The following ESPN variants were observed in gnomAD, a reference collection of about 807,000 sequenced individuals.
ESPN encodes the protein espin.
ESPN carries 68 observed loss-of-function variants against 77.7 expected under a neutral mutation model. The observed-to-expected ratio is 0.87, with a 90% confidence interval of 0.72 to 1.07. ESPN has a LOEUF of 1.07. ESPN is among the 50% of genes least tolerant of loss of function. ESPN has a pLI of 0.00. For synonymous variants in ESPN, 449 were observed against 567.1 expected, an observed-to-expected ratio of 0.79 and a Z score of 2.96; for missense variants, 1,060 against 1,239.0, an observed-to-expected ratio of 0.86 and a Z score of 2.17.
intron 10 of ESPN, chr1:6,456,226 C>T (rs1644055955): frequency 5.1e-6 from 2 of 395,908 alleles, no homozygotes; most frequent in South Asian, 1.3e-4. Flanking sequence ...CTCAGTTCAC[C>T]CTCGAGCGTC....
At chr1:6,445,641 G>A (rs1643800878) in intron 6 of ESPN, 23 bp from the exon 7 acceptor site, 1 of 1,609,806 alleles carries the variant, frequency 6.2e-7, no homozygotes, top group Non-Finnish European at 8.5e-7. Flanking sequence ...TCCCAAATCT[G>A]GCCCTTCCTT....
chr1:6,460,388 T>A lies in ESPN; in HGVS notation c.*242T>A. 1.8e-6 allele frequency: 1 copy of A among 551,086 alleles called. No homozygotes were observed. The highest frequency in any genetic ancestry group is 4.8e-4 in the Middle Eastern group (1 of 2,100). 34.1% of individuals were successfully genotyped at this position (551,086 alleles called of 1,614,324 possible). A position where few individuals can be genotyped will look rare whatever the true frequency, so the allele number is the denominator to read the frequency against. ...TGCTGACGCAAACAACAACAAATGC[T>A]GCTTATTTGCATGCCGACTTACATA... On this transcript the variant is annotated 3_prime_UTR_variant, in exon 13 of 13. Coordinates refer to ENST00000645284, the MANE Select transcript of ESPN (RefSeq NM_031475.3).
In ESPN at chr1:6,460,098, C is replaced by G. The variant is rs1644131548; in HGVS notation, c.2517C>G (p.Pro839=). 1 of 1,613,174 alleles carries G rather than the reference C, an allele frequency of 6.2e-7. No individual in the cohort carries two copies. The highest frequency in any genetic ancestry group is 1.3e-5 in the African/African-American group (1 of 74,922). The part of the protein sequence containing the change: ...TLGYDESKLA[P]WQRQVILKKG... ...GCTACGATGAGAGCAAGCTGGCGCC[C>G]TGGCAGCGACAGGTCATCCTGAAGA... is the stretch of plus-strand genomic sequence containing the variant. The change falls in exon 13 of 13, where the codon CCC becomes CCG. Residue 839 remains proline, a synonymous_variant. Transcript: ENST00000645284.
Position 6,425,274 on chromosome 1 carries a change from G to T in ESPN, c.294+25G>T, listed in dbSNP as rs779497352. The T allele has an allele frequency of 1.9e-6, 3 of 1,564,540 alleles. No individual in the cohort carries two copies. The Admixed American group carries it at 5.3e-5, about 28-fold the overall frequency. On this transcript the variant is annotated intron_variant, in intron 1 of 12. Transcript: ENST00000645284. ...GGTGGGTCCGCGCGGTTCGCCAGGG[G>T]CACTGAGGCTTCCTCCTCAGGACAG...
At chr1:6,455,254 A>T (rs879636158) in intron 10 of ESPN, 2 of 389,608 alleles carry the variant, frequency 5.1e-6, no homozygotes, top group East Asian at 7.3e-5. Context: ...GGCGTCCAGG[A>T]CTACCTCGAC....
chr1:6,425,318 C>G, intron 1 of ESPN, 69 bp downstream of exon 1: 1 of 1,521,260 alleles, frequency 6.6e-7, no homozygotes, highest in Non-Finnish European at 8.8e-7. Context: ...CCCAGAGTCC[C>G]CCGGGGCTCA....
At chr1:6,444,909 C>T (rs1268874710) in intron 6 of ESPN, among the ~76,000 whole-genome samples, 2 of 152,190 alleles carry the variant, frequency 1.3e-5, no homozygotes, top group African/African-American at 4.8e-5. Flanking sequence ...GTACTCTCCC[C>T]ACCCACAAAG....
In ESPN at chr1:6,437,438, G is replaced by A. The variant is rs1643478465; in HGVS notation, c.489-2816G>A. The A allele has an allele frequency of 6.6e-6, 1 of 152,232 alleles. No homozygotes were observed. Among genetic ancestry groups the A allele is most frequent in the Non-Finnish European group, 1.5e-5 (1 of 68,068 alleles). 9.4% of individuals were successfully genotyped at this position (152,232 alleles called of 1,614,324 possible). A position where few individuals can be genotyped will look rare whatever the true frequency, so the allele number is the denominator to read the frequency against. ...GGCACTCACTGTGCCTTGGTTACGG[G>A]GTGAATAATTTAGGCCGCTGAGTGT... On this transcript the variant is annotated intron_variant, in intron 2 of 12. Coordinates refer to ENST00000645284, the MANE Select transcript of ESPN (RefSeq NM_031475.3). The surrounding 1 kb of genome is among the most constrained non-coding windows in gnomAD (Gnocchi z 4.5).
At position 6,460,703 on chromosome 1, in the gene ESPN, C is replaced by T. The variant is rs1644146572; in HGVS notation, c.*557C>T. On this transcript the variant is annotated 3_prime_UTR_variant, in exon 13 of 13. Transcript: ENST00000645284. ...TGTTTACCAGAAACATGAAAACTGCCTGTCTGGCCGGGCCGCACTTGTGGC... is the reference window on the plus strand; with the variant it reads ...TGTTTACCAGAAACATGAAAACTGCTTGTCTGGCCGGGCCGCACTTGTGGC... 5.9e-6 allele frequency: 1 copy of T among 170,348 alleles called. No individual in the cohort carries two copies. Among genetic ancestry groups the T allele is most frequent in the Admixed American group, 5.7e-5 (1 of 17,580 alleles). 10.6% of individuals were successfully genotyped at this position (170,348 alleles called of 1,614,324 possible).
intron 2 of ESPN, among the ~76,000 whole-genome samples, chr1:6,436,476 TTTTTTCTTA>T (rs1356976373): frequency 2.5e-4 from 31 of 122,876 alleles, no homozygotes; most frequent in African/African-American, 1.0e-3. Context: ...GTGATGGGAA[TTTTTTCTTA>T]TTTATTTATT....
At chr1:6,438,141 A>C (rs895116549) in intron 2 of ESPN, among the ~76,000 whole-genome samples, 2 of 152,166 alleles carry the variant, frequency 1.3e-5, no homozygotes, top group African/African-American at 4.8e-5. Flanking sequence ...TTGGAACCCA[A>C]TAGGTCGCGG....
Position 6,448,780 on chromosome 1 carries a change from C to T in ESPN, c.1604C>T (p.Pro535Leu), listed in dbSNP as rs1028888897. The change falls in exon 8 of 13, where the codon CCG becomes CTG. Residue 535 changes from proline to leucine, a missense_variant. By Grantham distance (98) the Pro-to-Leu change is moderately conservative. This residue lies in a region of ESPN where 130 missense variants were observed against 223.9 expected (regional missense o/e 0.58). Coordinates refer to ENST00000645284, the MANE Select transcript of ESPN (RefSeq NM_031475.3). ...RCPGETLAARPGMAHSEEVRA... is the reference protein window; with the variant it reads ...RCPGETLAARLGMAHSEEVRA... ...CCCGGCGAGACGCTGGCCGCACGCC[C>T]GGGCATGGCGCACAGCGAGGAGGTG... The T allele has an allele frequency of 4.0e-5, 57 of 1,432,110 alleles. No homozygotes were observed. The East Asian group carries it at 4.6e-4, about 11-fold the overall frequency. 88.7% of individuals were successfully genotyped at this position (1,432,110 alleles called of 1,614,324 possible).
At position 6,460,551 on chromosome 1, in the gene ESPN, G is replaced by C. The variant is rs183581437; in HGVS notation, c.*405G>C. On this transcript the variant is annotated 3_prime_UTR_variant, in exon 13 of 13. Coordinates refer to ENST00000645284, the MANE Select transcript of ESPN (RefSeq NM_031475.3). Reference sequence around the variant, plus strand: ...GCACCCCGGAACCGGCGTCGCTGGCGCATCCTGGGTGGAGGCAGGCCCCGA... The same window carrying C: ...GCACCCCGGAACCGGCGTCGCTGGCCCATCCTGGGTGGAGGCAGGCCCCGA... The C allele has an allele frequency of 3.2e-3, 567 of 179,366 alleles. 2 individuals are homozygous for C. The highest frequency in any genetic ancestry group is 4.9e-3 in the Non-Finnish European group (418 of 84,666). The allele number at this position is 179,366 out of a possible 1,614,324, so 11.1% of individuals were successfully genotyped here. A position where few individuals can be genotyped will look rare whatever the true frequency, so the allele number is the denominator to read the frequency against.
chr1:6,448,837 C>A lies in ESPN; in HGVS notation c.1661C>A (p.Pro554Gln). Residue 554 changes from proline (P) to glutamine (Q), a missense_variant, in exon 8 of 13, where the codon CCG becomes CAG. Pro to Gln is a moderately conservative substitution (Grantham distance 76). Around this residue, in one of 3 missense-constraint regions of ESPN, gnomAD observed 130 missense variants for 223.9 expected, o/e 0.58. Coordinates refer to ENST00000645284, the MANE Select transcript of ESPN (RefSeq NM_031475.3). The part of the protein sequence containing the change: ...RARQPARAGC[P>Q]RLGPAARGSL... ...CGCCAGCCCGCGCGCGCCGGCTGCC[C>A]GCGCCTCGGCCCTGCCGCCCGCGGC... is the stretch of plus-strand genomic sequence containing the variant. The A allele has an allele frequency of 8.1e-7, 1 of 1,236,482 alleles. No homozygotes were observed. Among genetic ancestry groups the A allele is most frequent in the Non-Finnish European group, 1.0e-6 (1 of 993,798 alleles). The allele number at this position is 1,236,482 out of a possible 1,614,324, so 76.6% of individuals were successfully genotyped here.
At chr1:6,448,473 C>T in intron 7 of ESPN, 168 bp from the exon 8 acceptor site, 1 of 575,676 alleles carries the variant, frequency 1.7e-6, no homozygotes, top group East Asian at 3.4e-5. Flanking sequence ...CCCCCATGAC[C>T]CTCGCCCGCT....
rs541326995 is a variant in ESPN at position 6,451,893 on chromosome 1, C to T, written c.2122C>T (p.Pro708Ser). 1 of 1,611,114 alleles carries T rather than the reference C, an allele frequency of 6.2e-7. No homozygotes were observed. Among genetic ancestry groups the T allele is most frequent in the African/African-American group, 1.3e-5 (1 of 74,996 alleles). ...ALSPVRSPTP[P>S]AAGFQPLLNG... ...GTCACCAGTCCGGAGCCCCACACCG[C>T]CAGCTGCGGGGTTTCAGCCGCTGCT... The change falls in exon 10 of 13, where the codon CCA becomes TCA. Residue 708 changes from proline to serine, a missense_variant. Physicochemically the swap from Pro to Ser is moderately conservative, Grantham distance 74 (BLOSUM62 -1). Coordinates refer to ENST00000645284, the MANE Select transcript of ESPN (RefSeq NM_031475.3). The surrounding 1 kb of genome is among the most constrained non-coding windows in gnomAD (Gnocchi z 4.3).
Position 6,460,786 on chromosome 1 carries a change from G to C in ESPN, c.*640G>C, listed in dbSNP as rs1179386832. The stretch of plus-strand genomic sequence containing the variant: ...CAAGTCTGCGCCCCGTCCCCAGCCA[G>C]ACCCACTCGCTGCCGGGACCCTTTC... On this transcript the variant is annotated 3_prime_UTR_variant, in exon 13 of 13. Transcript: ENST00000645284. 4.9e-6 allele frequency: 1 copy of C among 205,290 alleles called. No homozygotes were observed. The highest frequency in any genetic ancestry group is 2.4e-5 in the African/African-American group (1 of 42,206). 12.7% of individuals were successfully genotyped at this position (205,290 alleles called of 1,614,324 possible).
chr1:6,443,744 G>T (rs1309351452), intron 5 of ESPN, among the ~76,000 whole-genome samples: 7 of 152,372 alleles, frequency 4.6e-5, no homozygotes, highest in Admixed American at 3.9e-4. Flanking sequence ...CTCCCAGGGG[G>T]CCTGTGACAC....
rs1440060873 is a variant in ESPN, at chr1:6,427,700, G to T, written c.295-526G>T. On this transcript the variant is annotated intron_variant, in intron 1 of 12. Coordinates refer to ENST00000645284, the MANE Select transcript of ESPN (RefSeq NM_031475.3). This position sits in a 1 kb window ranked among gnomAD's most constrained non-coding sequence, Gnocchi z 4.6. ...TTCCTGGAGGCGTACCAAGGTGGAG[G>T]TCTCTGTTCCCACGTGACACCGAGG... Among the ~76,000 whole-genome samples, 1 of 152,228 alleles carries T rather than the reference G, an allele frequency of 6.6e-6. No homozygotes were observed. The highest frequency in any genetic ancestry group is 2.4e-5 in the African/African-American group (1 of 41,458).
Sources: allele counts gnomAD v4.1 joint callset (sites outside exome capture counted in the v4.1 genomes callset), GRCh38; gene constraint gnomAD v4.1.1; regional missense constraint gnomAD v4.1.1; non-coding constraint Gnocchi (gnomAD v3.1); transcripts MANE v1.5; gene names NCBI Gene and HGNC (gene_info 2026-07-23, HGNC 2026-07-21).